Variants in CACNA1A observed in about 807,000 individuals in gnomAD.
The protein encoded by CACNA1A is calcium voltage-gated channel subunit alpha1 A, also known as voltage-dependent P/Q-type calcium channel subunit alpha-1A.
Under a neutral mutation model 262.4 loss-of-function variants are expected in CACNA1A, and 57 were observed. The ratio of observed to expected loss-of-function variants is 0.22; its 90% CI spans 0.18 to 0.27. The LOEUF (loss-of-function observed/expected upper bound fraction) is 0.27. Ranked by LOEUF, CACNA1A falls within the 10% of genes least tolerant of loss-of-function variation. The pLI is 1.00. For missense variants in CACNA1A, 2,526 were observed against 3,562.8 expected, an observed-to-expected ratio of 0.71 and a Z score of 7.41; for synonymous variants, 1,431 against 1,419.3, an observed-to-expected ratio of 1.01 and a Z score of -0.18.
intron 3 of CACNA1A, among the ~76,000 whole-genome samples, chr19:13,374,624 A>G (rs2059375155): frequency 1.3e-5 from 2 of 152,232 alleles, no homozygotes; most frequent in South Asian, 4.2e-4. Context: ...TGGGTTCCTC[A>G]AATTCTGACT....
intron 3 of CACNA1A, among the ~76,000 whole-genome samples, chr19:13,413,978 G>C (rs1042130593): frequency 6.6e-6 from 1 of 151,236 alleles, no homozygotes; most frequent in Non-Finnish European, 1.5e-5. Context: ...GGAAATAAAA[G>C]AAAAGAAAGG....
chr19:13,208,455 C>T (rs1048159507), intron 46 of CACNA1A, among the ~76,000 whole-genome samples: 9 of 149,648 alleles, frequency 6.0e-5, no homozygotes, highest in African/African-American at 9.8e-5. Context: ...AGTGAAAGGT[C>T]GGGCGGCACG....
At chr19:13,395,625 A>AG (rs969570069) in intron 3 of CACNA1A, among the ~76,000 whole-genome samples, 1 of 151,982 alleles carries the variant, frequency 6.6e-6, no homozygotes, top group African/African-American at 2.4e-5. Context: ...AAAAAGAAAA[A>AG]AAAAAAAAAG....
At chr19:13,253,388 T>G (rs1368691834) in intron 29 of CACNA1A, among the ~76,000 whole-genome samples, 6 of 151,310 alleles carry the variant, frequency 4.0e-5, no homozygotes, top group African/African-American at 1.5e-4. Flanking sequence ...CAATCCTACC[T>G]TAGCCTCCTG....
Position 13,227,903 on chromosome 19 carries a change from CTTTT to C in CACNA1A, c.5529-380_5529-377del, listed in dbSNP as rs34218031. 2.6e-4 allele frequency among the ~76,000 whole-genome samples: 19 copies of C among 74,260 alleles called. No individual in the cohort carries two copies. In the South Asian group the frequency reaches 5.5e-3, roughly 22 times the overall value. The allele number at this position is 74,260 out of a possible 152,430, so 48.7% of individuals were successfully genotyped here. On this transcript the variant is annotated intron_variant, in intron 36 of 46. Coordinates refer to ENST00000360228, the MANE Select transcript of CACNA1A (RefSeq NM_001127222.2). ...GTAGAGCCATGCTTTTGTTCATTGC[CTTTT>C]TTTTTTTTTTTTTTTTTTTTTAAAG...
In CACNA1A at chr19:13,212,186, C is replaced by T. The variant is rs376910068; in HGVS notation, c.6220G>A (p.Gly2074Ser). ...SVEMREMGRD[G>S]YSDSEHYLPM... Reference sequence around the variant, plus strand: ...AGGTAGTGCTCGCTGTCGGAGTAGCCATCTCTGCCCATCTCTCGCATCTCC... The same window carrying T: ...AGGTAGTGCTCGCTGTCGGAGTAGCTATCTCTGCCCATCTCTCGCATCTCC... The change falls in exon 43 of 47, where the codon GGC (glycine) becomes AGC (serine). Residue 2074 changes from glycine (G) to serine (S), a missense_variant. Around this residue, in one of 17 missense-constraint regions of CACNA1A, gnomAD observed 929 missense variants for 868.1 expected, o/e 1.07. Transcript: ENST00000360228. The surrounding 1 kb of genome is among the most constrained non-coding windows in gnomAD (Gnocchi z 5.6). 17 of 1,613,796 alleles carry T rather than the reference C, an allele frequency of 1.1e-5. No individual in the cohort carries two copies. Among genetic ancestry groups the T allele is most frequent in the Non-Finnish European group, 1.4e-5 (17 of 1,179,826 alleles).
At chr19:13,262,582 A>G in intron 25 of CACNA1A, 152 bp downstream of exon 25, 1 of 619,872 alleles carries the variant, frequency 1.6e-6, no homozygotes, top group South Asian at 2.0e-5. Context: ...TCTGCTGGGA[A>G]GTTGTAATAA....
At chr19:13,491,059 G>T (rs1305732758) in intron 1 of CACNA1A, among the ~76,000 whole-genome samples, 2 of 152,238 alleles carry the variant, frequency 1.3e-5, no homozygotes, top group African/African-American at 4.8e-5. Context: ...CTCAGACTCT[G>T]TCCCTTAACC....
At chr19:13,417,141 C>G (rs2060238011) in intron 3 of CACNA1A, among the ~76,000 whole-genome samples, 1 of 152,170 alleles carries the variant, frequency 6.6e-6, no homozygotes, top group Admixed American at 6.5e-5. Context: ...CAGGAGGTGG[C>G]AGCCACTCGT....
At chr19:13,353,511 A>G (rs2058952599) in intron 6 of CACNA1A, among the ~76,000 whole-genome samples, 1 of 152,080 alleles carries the variant, frequency 6.6e-6, no homozygotes, top group Non-Finnish European at 1.5e-5. Context: ...ATGATGACAT[A>G]ATATGCCATC....
At chr19:13,266,240 AT>A in intron 24 of CACNA1A, among the ~76,000 whole-genome samples, 1 of 151,692 alleles carries the variant, frequency 6.6e-6, no homozygotes, top group African/African-American at 2.4e-5. Flanking sequence ...AATTAAAGAG[AT>A]GGAATCTCAG....
chr19:13,412,436 G>A (rs2144742597), intron 3 of CACNA1A, among the ~76,000 whole-genome samples: 1 of 151,956 alleles, frequency 6.6e-6, no homozygotes, highest in East Asian at 1.9e-4. Flanking sequence ...TGAAGGGTAT[G>A]TGGGAACTCT....
intron 31 of CACNA1A, among the ~76,000 whole-genome samples, chr19:13,238,373 TGTTCCTCAAGTGCTCAGAA>T: frequency 6.6e-6 from 1 of 152,256 alleles, no homozygotes; most frequent in Admixed American, 6.5e-5. Context: ...TGTGCTCAGA[TGTTCCTCAAGTGCTCAGAA>T]GGATATGGAG....
At chr19:13,288,481 A>C (rs2057458279) in intron 19 of CACNA1A, among the ~76,000 whole-genome samples, 1 of 151,950 alleles carries the variant, frequency 6.6e-6, no homozygotes, top group Non-Finnish European at 1.5e-5. Flanking sequence ...ACAGTGATCC[A>C]CCCACCTCAG....
At chr19:13,385,888 G>A (rs938593670) in intron 3 of CACNA1A, among the ~76,000 whole-genome samples, 1 of 152,048 alleles carries the variant, frequency 6.6e-6, no homozygotes, top group Non-Finnish European at 1.5e-5. Context: ...CAGGCGTGGT[G>A]GCTTATGCCT....
rs1388820454 is a variant in CACNA1A, at chr19:13,209,029, G to A, written c.6527-20C>T. The A allele has an allele frequency of 6.5e-7, 1 of 1,536,944 alleles. No individual in the cohort carries two copies. Among genetic ancestry groups the A allele is most frequent in the Non-Finnish European group, 8.7e-7 (1 of 1,146,876 alleles). ...CCAAGCCTGGGCCGGGTGAGGGTCAGACAGACACACAGGTGGTCGTGAGGG... is the reference window on the plus strand; with the variant it reads ...CCAAGCCTGGGCCGGGTGAGGGTCAAACAGACACACAGGTGGTCGTGAGGG... On this transcript the variant is annotated intron_variant, in intron 45 of 46. Coordinates refer to ENST00000360228, the MANE Select transcript of CACNA1A (RefSeq NM_001127222.2).
intron 3 of CACNA1A, chr19:13,451,086 C>T (rs2060906337): frequency 6.6e-6 from 1 of 152,310 alleles, no homozygotes; most frequent in South Asian, 2.1e-4. Context: ...GGTCCCAAGC[C>T]ACCGAACTGT....
chr19:13,329,783 C>T (rs1365018944), intron 10 of CACNA1A, among the ~76,000 whole-genome samples: 2 of 139,064 alleles, frequency 1.4e-5, no homozygotes, highest in Non-Finnish European at 1.6e-5. Context: ...CAGTTTGTGT[C>T]TTTTTTTTTT....
chr19:13,216,177 G>A (rs566319751), intron 38 of CACNA1A, among the ~76,000 whole-genome samples: 24 of 152,244 alleles, frequency 1.6e-4, no homozygotes, highest in African/African-American at 5.1e-4. Context: ...CAGTCATGGG[G>A]TGAGTCATTA....
Sources: allele counts gnomAD v4.1 joint callset (sites outside exome capture counted in the v4.1 genomes callset), GRCh38; gene constraint gnomAD v4.1.1; regional missense constraint gnomAD v4.1.1; non-coding constraint Gnocchi (gnomAD v3.1); transcripts MANE v1.5; gene names NCBI Gene and HGNC (gene_info 2026-07-23, HGNC 2026-07-21).